ATAD1: variants seen among roughly 807,000 people sequenced by gnomAD.
ATAD1 encodes the protein ATPase family AAA domain containing 1.
Under a neutral mutation model 42.7 loss-of-function variants are expected in ATAD1, and 18 were observed. The observed-to-expected ratio is 0.42, with a 90% CI of 0.29 to 0.63. The LOEUF is 0.63. Among genes scored for constraint, ATAD1 ranks in the 20% least tolerant of loss-of-function variants. The pLI, the probability that ATAD1 is intolerant of heterozygous loss-of-function variation, is 0.19. For missense variants in ATAD1, 294 were observed against 440.4 expected (o/e 0.67, Z 2.98); for synonymous variants, 132 against 143.1 (o/e 0.92, Z 0.55).
intron 2 of ATAD1, among the ~76,000 whole-genome samples, chr10:87,800,983 G>C (rs570683649): frequency 6.6e-6 from 1 of 152,098 alleles, no homozygotes; most frequent in African/African-American, 2.4e-5. Context: ...ACCAACATAT[G>C]GGCCCCTGTG....
chr10:87,805,759 A>C (rs553605635), intron 2 of ATAD1, among the ~76,000 whole-genome samples: 2 of 149,658 alleles, frequency 1.3e-5, no homozygotes, highest in Admixed American at 1.3e-4. Flanking sequence ...CTCCTCCTCC[A>C]CTAACCTTCT....
chr10:87,774,246 A>G (rs1589484509), intron 6 of ATAD1, among the ~76,000 whole-genome samples: 1 of 152,262 alleles, frequency 6.6e-6, no homozygotes, highest in Non-Finnish European at 1.5e-5. Context: ...AAAGAAGTAA[A>G]CGAATTAAGC....
intron 1 of ATAD1, among the ~76,000 whole-genome samples, chr10:87,837,807 G>C (rs773470333): frequency 1.3e-5 from 2 of 152,114 alleles, no homozygotes; most frequent in Non-Finnish European, 2.9e-5. Flanking sequence ...ATGGAAGAAG[G>C]TTCCCCTCCC....
intron 1 of ATAD1, among the ~76,000 whole-genome samples, chr10:87,836,569 T>C (rs756272320): frequency 1.3e-5 from 2 of 152,242 alleles, no homozygotes; most frequent in Non-Finnish European, 2.9e-5. Flanking sequence ...TTTTCCCCTG[T>C]AAATAATGTA....
At chr10:87,808,593 T>G (rs1857038245) in intron 2 of ATAD1, among the ~76,000 whole-genome samples, 1 of 152,120 alleles carries the variant, frequency 6.6e-6, no homozygotes, top group Non-Finnish European at 1.5e-5. Context: ...GAACACTATC[T>G]TCTGTTCCCA....
chr10:87,833,899 A>G (rs1857883321), intron 1 of ATAD1, among the ~76,000 whole-genome samples: 1 of 151,832 alleles, frequency 6.6e-6, no homozygotes, highest in African/African-American at 2.4e-5. Context: ...TAATTTTTGT[A>G]GAGATAGGGT....
chr10:87,776,244 A>G, intron 6 of ATAD1, 77 bp downstream of exon 6: 2 of 1,058,262 alleles, frequency 1.9e-6, no homozygotes, highest in East Asian at 4.8e-5. Context: ...GTACAAAAGC[A>G]TAGTAAGTAG....
At chr10:87,763,474 C>T (rs1207698624) in intron 8 of ATAD1, among the ~76,000 whole-genome samples, 1 of 152,192 alleles carries the variant, frequency 6.6e-6, no homozygotes, top group Non-Finnish European at 1.5e-5. Context: ...GCCTGGATAA[C>T]AGAGCGAGAC....
chr10:87,759,217 T>C (rs1459571158), intron 8 of ATAD1, among the ~76,000 whole-genome samples: 1 of 152,094 alleles, frequency 6.6e-6, no homozygotes, highest in African/African-American at 2.4e-5. Flanking sequence ...AAAAATAACA[T>C]ATACCTATAC....
intron 5 of ATAD1, among the ~76,000 whole-genome samples, chr10:87,782,978 G>A (rs112187427): frequency 3.3e-5 from 5 of 149,898 alleles, no homozygotes; most frequent in African/African-American, 1.2e-4. Context: ...AGCCATGACA[G>A]AGCGTGAAAA....
chr10:87,810,279 T>C (rs1269296935), intron 2 of ATAD1, among the ~76,000 whole-genome samples: 1 of 151,940 alleles, frequency 6.6e-6, no homozygotes, highest in East Asian at 1.9e-4. Flanking sequence ...TTATGAAACT[T>C]GAGATTTGCT....
chr10:87,807,602 CTATT>C (rs1362572491), intron 2 of ATAD1, among the ~76,000 whole-genome samples: 4 of 151,976 alleles, frequency 2.6e-5, no homozygotes, highest in African/African-American at 7.2e-5. Context: ...TTTAATGTGT[CTATT>C]TAAGTTTCTT....
At chr10:87,784,756 C>T in intron 4 of ATAD1, 86 bp from the exon 5 acceptor site, 1 of 1,294,344 alleles carries the variant, frequency 7.7e-7, no homozygotes, top group South Asian at 1.5e-5. Flanking sequence ...ATTCCTTCCA[C>T]AAAAAACTTT....
chr10:87,812,763 AT>A (rs1187618446), intron 2 of ATAD1, among the ~76,000 whole-genome samples: 1 of 152,170 alleles, frequency 6.6e-6, no homozygotes, highest in African/African-American at 2.4e-5. Context: ...AATGCTGTGT[AT>A]TTTTTATCAG....
chr10:87,773,077 T>C (rs914899350), intron 6 of ATAD1, among the ~76,000 whole-genome samples: 3 of 152,244 alleles, frequency 2.0e-5, no homozygotes, highest in Admixed American at 6.5e-5. Context: ...TACCTGGGTA[T>C]GAAATAATCT....
upstream of ATAD1, among the ~76,000 whole-genome samples, chr10:87,821,798 G>C (rs1857636377): frequency 6.6e-6 from 1 of 152,202 alleles, no homozygotes; most frequent in East Asian, 1.9e-4. Flanking sequence ...CCAGAACTGG[G>C]AGAAATAAAT....
intron 1 of ATAD1, among the ~76,000 whole-genome samples, chr10:87,838,396 G>A (rs1042570592): frequency 1.9e-4 from 27 of 140,448 alleles, no homozygotes; most frequent in African/African-American, 6.1e-4. Context: ...GCGTGGTGGT[G>A]CACACCTGTA....
chr10:87,813,682 T>G (rs1033937169), intron 2 of ATAD1, among the ~76,000 whole-genome samples: 5 of 152,086 alleles, frequency 3.3e-5, no homozygotes, highest in African/African-American at 1.2e-4. Flanking sequence ...AATAAATGTT[T>G]ATTGAATAAA....
chr10:87,765,943 C>T (rs1198303733), intron 8 of ATAD1, among the ~76,000 whole-genome samples: 3 of 151,792 alleles, frequency 2.0e-5, no homozygotes, highest in South Asian at 2.1e-4. Context: ...GAGGGTGAGG[C>T]GGGAAGATTA....
Sources: allele counts gnomAD v4.1 joint callset (sites outside exome capture counted in the v4.1 genomes callset), GRCh38; gene constraint gnomAD v4.1.1; transcripts MANE v1.5; gene names NCBI Gene and HGNC (gene_info 2026-07-23, HGNC 2026-07-21).